Variants in CCNB3 observed in about 807,000 individuals in gnomAD.
The protein encoded by CCNB3 is cyclin B3.
In CCNB3, 12 loss-of-function variants were observed where a neutral mutation model predicts 68.0. That is an observed-to-expected ratio of 0.18 (90% CI 0.11 to 0.29). The LOEUF is 0.29. Ranked by LOEUF, CCNB3 falls within the 10% of genes least tolerant of loss-of-function variation. The pLI is 1.00. For synonymous variants in CCNB3, 354 were observed against 388.9 expected, an observed-to-expected ratio of 0.91 and a Z score of 1.06; for missense variants, 904 against 993.1, an observed-to-expected ratio of 0.91 and a Z score of 1.21.
At position 50,294,654 on chromosome X, in the gene CCNB3, C is replaced by T. The variant is rs189407850; in HGVS notation, c.205-209C>T. On this transcript the variant is annotated intron_variant, in intron 4 of 12. Coordinates refer to ENST00000376042, the MANE Select transcript of CCNB3 (RefSeq NM_033031.3). ...GCCAACACATACCAGTACTACTGCA[C>T]TGGTTGTTTGATGCTAGCTTCCACT... 4.0e-3 allele frequency among the ~76,000 whole-genome samples: 442 copies of T among 111,630 alleles called. 3 individuals are homozygous for T. Among genetic ancestry groups the T allele is most frequent in the Non-Finnish European group, 6.2e-3 (329 of 53,084 alleles).
At chrX:50,327,916 A>G (rs1020344316) in intron 8 of CCNB3, among the ~76,000 whole-genome samples, 1 of 112,063 alleles carries the variant, frequency 8.9e-6, no homozygotes, top group Non-Finnish European at 1.9e-5. Flanking sequence ...AGTGGGCCCA[A>G]TGTAATCACA....
chrX:50,226,832 A>C (rs1173792450), intron 1 of CCNB3, among the ~76,000 whole-genome samples: 4 of 73,596 alleles, frequency 5.4e-5, no homozygotes, highest in Non-Finnish European at 9.1e-5. Flanking sequence ...ATATACATGA[A>C]TATATATAGT....
In CCNB3 at chrX:50,294,940, C is replaced by G; in HGVS notation, c.282C>G (p.Asn94Lys). ...EFVKVVSKKI[N>K]RNTHALGLAK... is the part of the protein sequence containing the mutation. Reference sequence around the variant, plus strand: ...TAAAAGTTGTTTCCAAGAAGATAAACAGGAACACACATGCTCTTGGACTGG... The same window carrying G: ...TAAAAGTTGTTTCCAAGAAGATAAAGAGGAACACACATGCTCTTGGACTGG... The change falls in exon 5 of 13, where the codon AAC becomes AAG. Residue 94 changes from asparagine to lysine, a missense_variant. Coordinates refer to ENST00000376042, the MANE Select transcript of CCNB3 (RefSeq NM_033031.3). 8.3e-7 allele frequency: 1 copy of G among 1,209,119 alleles called. No homozygotes were observed. Among genetic ancestry groups the G allele is most frequent in the African/African-American group, 1.7e-5 (1 of 57,544 alleles).
Position 50,288,799 on chromosome X carries a change from C to T in CCNB3, c.116C>T (p.Thr39Met), listed in dbSNP as rs1557209702. 8 of 1,205,122 alleles carry T rather than the reference C, an allele frequency of 6.6e-6. No homozygotes were observed. The highest frequency in any genetic ancestry group is 3.5e-5 in the African/African-American group (2 of 57,595). ...TTTTAGACGGGGGAGAATTGCCAAA[C>T]GAAGATATCTCCATCTTCACTTCAG... ...PSEKTGENCQTKISPSSLQES... is the reference protein window; with the variant it reads ...PSEKTGENCQMKISPSSLQES... Residue 39 changes from threonine to methionine, a missense_variant, in exon 4 of 13, where the codon ACG becomes ATG. By Grantham distance (81) the Thr-to-Met change is moderately conservative (BLOSUM62 -1). Coordinates refer to ENST00000376042, the MANE Select transcript of CCNB3 (RefSeq NM_033031.3).
intron 8 of CCNB3, among the ~76,000 whole-genome samples, chrX:50,335,049 CG>C (rs1268916365): frequency 8.9e-6 from 1 of 111,909 alleles, no homozygotes; most frequent in Non-Finnish European, 1.9e-5. Context: ...GCAGGGCATC[CG>C]TCCCTTTTGT....
intron 1 of CCNB3, among the ~76,000 whole-genome samples, chrX:50,220,975 T>C (rs1478636019): frequency 9.0e-6 from 1 of 111,441 alleles, no homozygotes; most frequent in Non-Finnish European, 1.9e-5. Context: ...TATTCAGGGA[T>C]TCGATTTCTT....
rs1921233705 is a variant in CCNB3, at chrX:50,308,914, T to G, written c.745T>G (p.Leu249Val). 1 of 1,211,572 alleles carries G rather than the reference T, an allele frequency of 8.3e-7. No homozygotes were observed. The highest frequency in any genetic ancestry group is 2.2e-5 in the Admixed American group (1 of 46,003). ...QRKQSCQEES[L>V]AVQDVNMEED... ...GAAGCAGTCCTGCCAGGAAGAGTCG[T>G]TGGCTGTGCAGGATGTCAATATGGA... Residue 249 changes from leucine to valine, a missense_variant, in exon 6 of 13, where the codon TTG becomes GTG. Physicochemically the swap from Leu to Val is conservative, Grantham distance 32. This residue lies in a region of CCNB3 where 619 missense variants were observed against 609.8 expected (regional missense o/e 1.02). Coordinates refer to ENST00000376042, the MANE Select transcript of CCNB3 (RefSeq NM_033031.3).
intron 1 of CCNB3, among the ~76,000 whole-genome samples, chrX:50,280,174 TATATATATAAATATATATAGAAC>T (rs1471622224): frequency 1.1e-5 from 1 of 87,493 alleles, no homozygotes; most frequent in Non-Finnish European, 2.2e-5. Flanking sequence ...ATATATAGAA[TATATATATAAATATATATAGAAC>T]ATATAAATAT....
At chrX:50,214,704 A>G (rs1391509509) in intron 1 of CCNB3, among the ~76,000 whole-genome samples, 1 of 101,638 alleles carries the variant, frequency 9.8e-6, no homozygotes, top group Non-Finnish European at 2.0e-5. Flanking sequence ...TACACTTATT[A>G]TATATAAATT....
chrX:50,220,176 A>T (rs1264709158), intron 1 of CCNB3, among the ~76,000 whole-genome samples: 1 of 111,413 alleles, frequency 9.0e-6, no homozygotes, highest in African/African-American at 3.3e-5. Context: ...GGCTGAGACG[A>T]TGGGGTTTTC....
At chrX:50,331,801 T>G (rs180770738) in intron 8 of CCNB3, among the ~76,000 whole-genome samples, 33 of 111,754 alleles carry the variant, frequency 3.0e-4, no homozygotes, top group Non-Finnish European at 4.3e-4. Flanking sequence ...ACTAAGATAT[T>G]TACTCGAGGA....
chrX:50,303,620 T>A (rs908038533), intron 5 of CCNB3, among the ~76,000 whole-genome samples: 9 of 111,290 alleles, frequency 8.1e-5, no homozygotes, highest in African/African-American at 2.6e-4. Context: ...CCCATTTTTT[T>A]ATGCTTTTAT....
At chrX:50,300,892 G>A (rs781917088) in intron 5 of CCNB3, among the ~76,000 whole-genome samples, 45 of 111,334 alleles carry the variant, frequency 4.0e-4, no homozygotes, top group African/African-American at 1.3e-3. Flanking sequence ...TTCGTCTTCC[G>A]TTGCTGATAC....
intron 1 of CCNB3, among the ~76,000 whole-genome samples, chrX:50,207,286 T>A (rs1935384791): frequency 9.0e-6 from 1 of 111,394 alleles, no homozygotes; most frequent in Non-Finnish European, 1.9e-5. Context: ...ATTATAAGAG[T>A]GGACTCAATC....
chrX:50,329,900 C>G (rs1922507582), intron 8 of CCNB3, among the ~76,000 whole-genome samples: 1 of 112,082 alleles, frequency 8.9e-6, no homozygotes, highest in East Asian at 2.8e-4. Context: ...CAGGCAGGCC[C>G]CATCTTGAAC....
At chrX:50,226,623 A>AGAATATATCTATAAATATATATATG (rs1935824772) in intron 1 of CCNB3, among the ~76,000 whole-genome samples, 2 of 81,593 alleles carry the variant, frequency 2.5e-5, no homozygotes, top group African/African-American at 9.7e-5. Flanking sequence ...ATATATATAT[A>AGAATATATCTATAAATATATATATG]GAATATATCT....
At chrX:50,344,158 A>G (rs782666353) in intron 9 of CCNB3, among the ~76,000 whole-genome samples, 1 of 112,691 alleles carries the variant, frequency 8.9e-6, no homozygotes, top group Non-Finnish European at 1.9e-5. Flanking sequence ...TCACATGTGC[A>G]TAGGTGTGTA....
intron 5 of CCNB3, among the ~76,000 whole-genome samples, chrX:50,296,124 GTTT>G (rs1176939718): frequency 4.6e-5 from 5 of 109,889 alleles, no homozygotes; most frequent in African/African-American, 1.7e-4. Flanking sequence ...ATGTTTCTTT[GTTT>G]TTTTATTATT....
chrX:50,309,669 A>T lies in CCNB3; in HGVS notation c.1500A>T (p.Thr500=). 8.3e-7 allele frequency: 1 copy of T among 1,210,801 alleles called. No individual in the cohort carries two copies. Among genetic ancestry groups the T allele is most frequent in the Non-Finnish European group, 1.1e-6 (1 of 895,148 alleles). The part of the protein sequence containing the change: ...ILKRKHATQG[T]MSHLKKPLIL... ...AGAGGAAGCATGCCACTCAGGGGAC[A>T]ATGTCCCACTTGAAGAAACCACTAA... Residue 500 remains threonine (T), a synonymous_variant, in exon 6 of 13, where the codon ACA becomes ACT. Transcript: ENST00000376042.
Sources: gnomAD v4.1 joint callset for allele counts (sites outside exome capture counted in the v4.1 genomes callset) on GRCh38, gnomAD v4.1.1 for gene constraint, gnomAD v4.1.1 regional missense constraint, MANE v1.5 for transcripts, NCBI Gene and HGNC (gene_info 2026-07-23, HGNC 2026-07-21) for gene names.